COL7A1: variants seen among roughly 807,000 people sequenced by gnomAD.
The protein encoded by COL7A1 is collagen alpha-1(VII) chain.
COL7A1 carries 296 observed loss-of-function variants against 456.2 expected under a neutral mutation model. The observed-to-expected ratio is 0.65, with a 90% confidence interval of 0.59 to 0.71. COL7A1 has a LOEUF of 0.71. Among genes scored for constraint, COL7A1 ranks in the 30% least tolerant of loss-of-function variants. The pLI, the probability that COL7A1 is intolerant of heterozygous loss-of-function variation, is 0.00. For synonymous variants in COL7A1, 1,464 were observed against 1,525.9 expected, an observed-to-expected ratio of 0.96 and a Z score of 0.95; for missense variants, 3,441 against 4,017.2, an observed-to-expected ratio of 0.86 and a Z score of 3.88.
chr3:48,574,888 G>A lies in COL7A1; in HGVS notation c.6280-23C>T, dbSNP rs1356141386. 6.2e-7 allele frequency: 1 copy of A among 1,613,218 alleles called. No homozygotes were observed. The highest frequency in any genetic ancestry group is 8.5e-7 in the Non-Finnish European group (1 of 1,179,492). On this transcript the variant is annotated intron_variant, in intron 76 of 118. Transcript: ENST00000681320. This position sits in a 1 kb window ranked among gnomAD's most constrained non-coding sequence, Gnocchi z 5.0. ...CACCTACAAACACAAGGTCACAGGG[G>A]AGAGATGTCTCTGTCATAGAGGCAT...
Position 48,594,279 on chromosome 3 carries a change from G to T in COL7A1, c.266+89C>A, listed in dbSNP as rs1473873870. On this transcript the variant is annotated intron_variant, in intron 3 of 118. Coordinates refer to ENST00000681320, the MANE Select transcript of COL7A1 (RefSeq NM_000094.4). This position sits in a 1 kb window ranked among gnomAD's most constrained non-coding sequence, Gnocchi z 5.5. ...CCAAAACTTGTTTCTGCAAAGACCT[G>T]GCCTGGGGTTTCCAGGGTCTCCTCC... 8.0e-6 allele frequency: 12 copies of T among 1,500,354 alleles called. No individual in the cohort carries two copies. The Admixed American group carries it at 2.0e-4, about 25-fold the overall frequency. The allele number at this position is 1,500,354 out of a possible 1,614,324, so 92.9% of individuals were successfully genotyped here.
rs2043804567 is a variant in COL7A1, at chr3:48,569,931, T to C, written c.7486-16A>G. 1 of 1,613,310 alleles carries C rather than the reference T, an allele frequency of 6.2e-7. No homozygotes were observed. On this transcript the variant is annotated splice_polypyrimidine_tract_variant and intron_variant, in intron 99 of 118. Coordinates refer to ENST00000681320, the MANE Select transcript of COL7A1 (RefSeq NM_000094.4). The surrounding 1 kb of genome is among the most constrained non-coding windows in gnomAD (Gnocchi z 4.9). ...CAGGGGGCCCCTGTGTGAGAGAAGG[T>C]GACCGTGAGCTACAGGAACCAGGGC...
chr3:48,582,222 C>G, intron 47 of COL7A1, 101 bp downstream of exon 47: 1 of 1,596,876 alleles, frequency 6.3e-7, no homozygotes, highest in Non-Finnish European at 8.6e-7. Flanking sequence ...AGCCTGCTCA[C>G]GGGCCCAGCA....
In COL7A1 at chr3:48,576,376, A is replaced by C. The variant is rs2044298357; in HGVS notation, c.5772+24T>G. ...ATGTGGGTGCTGTGGCTACCTGGGC[A>C]TGTGGAAAAGGTGGGGGCCTCACCT... On this transcript the variant is annotated intron_variant, in intron 70 of 118. Transcript: ENST00000681320. The C allele has an allele frequency of 1.9e-6, 3 of 1,613,742 alleles. No homozygotes were observed. The Admixed American group carries it at 5.0e-5, about 27-fold the overall frequency.
rs201839881 is a variant in COL7A1 at position 48,568,140 on chromosome 3, T to C, written c.7825A>G (p.Ile2609Val). Reference protein sequence around the residue: ...GSPGKDGVPGIRGEKGDVGFM... With the variant: ...GSPGKDGVPGVRGEKGDVGFM... ...CCAACATCTCCTTTTTCTCCTCGGA[T>C]ACCAGGCACTCCATCCTTTCCTGGG... Residue 2609 changes from isoleucine (I) to valine (V), a missense_variant, in exon 106 of 119, where the codon ATC becomes GTC. Physicochemically the swap from Ile to Val is conservative, Grantham distance 29. Coordinates refer to ENST00000681320, the MANE Select transcript of COL7A1 (RefSeq NM_000094.4). This position sits in a 1 kb window ranked among gnomAD's most constrained non-coding sequence, Gnocchi z 5.2. 270 of 1,614,080 alleles carry C rather than the reference T, an allele frequency of 1.7e-4. No homozygotes were observed. Among genetic ancestry groups the C allele is most frequent in the Middle Eastern group, 8.2e-4 (5 of 6,062 alleles).
rs1472391309 is a variant in COL7A1, at chr3:48,572,910, T to C, written c.6783A>G (p.Arg2261=). The C allele has an allele frequency of 5.0e-6, 8 of 1,613,762 alleles. No homozygotes were observed. Among genetic ancestry groups the C allele is most frequent in the Non-Finnish European group, 6.8e-6 (8 of 1,179,998 alleles). ...GETGKPGAPG[R]DGASGKDGDR... is the part of the protein sequence containing the mutation. ...CTCCATCTTTTCCACTGGCACCATCTCGACCTGGGGCTCCCGGCTTCCCTG... is the reference window on the plus strand; with the variant it reads ...CTCCATCTTTTCCACTGGCACCATCCCGACCTGGGGCTCCCGGCTTCCCTG... Residue 2261 remains arginine (R), a synonymous_variant, in exon 87 of 119, where the codon CGA becomes CGG. Coordinates refer to ENST00000681320, the MANE Select transcript of COL7A1 (RefSeq NM_000094.4). This position sits in a 1 kb window ranked among gnomAD's most constrained non-coding sequence, Gnocchi z 4.6.
Position 48,567,300 on chromosome 3 carries a change from C to T in COL7A1, c.8047-110G>A. On this transcript the variant is annotated intron_variant, in intron 109 of 118. Transcript: ENST00000681320. This position sits in a 1 kb window ranked among gnomAD's most constrained non-coding sequence, Gnocchi z 4.3. ...CCTAATGCCCAAACCTTCTGTAACC[C>T]AAGCACCTGTGAGCCAACCAGATGT... is the stretch of plus-strand genomic sequence containing the variant. 1 of 1,401,618 alleles carries T rather than the reference C, an allele frequency of 7.1e-7. No homozygotes were observed. The highest frequency in any genetic ancestry group is 1.0e-6 in the Non-Finnish European group (1 of 1,001,134). 86.8% of individuals were successfully genotyped at this position (1,401,618 alleles called of 1,614,324 possible). A position where few individuals can be genotyped will look rare whatever the true frequency, so the allele number is the denominator to read the frequency against.
intron 17 of COL7A1, 22 bp downstream of exon 17, chr3:48,589,577 C>G: frequency 6.2e-7 from 1 of 1,613,296 alleles, no homozygotes; most frequent in Non-Finnish European, 8.5e-7. Context: ...TGACCTGCCC[C>G]CTCCCAAACC....
Position 48,589,334 on chromosome 3 carries a change from C to G in COL7A1, c.2307G>C (p.Val769=). ...TGGCCAGGGTCCACTCACCAGTCCT[C>G]ACAACCACAGAGGCAGGGGGCCCAT... ...GVDGPPASVV[V]RTAPEPVGRV... is the part of the protein sequence containing the mutation. The change falls in exon 18 of 119, where the codon GTG becomes GTC. Residue 769 remains valine (V), a synonymous_variant. Coordinates refer to ENST00000681320, the MANE Select transcript of COL7A1 (RefSeq NM_000094.4). 6.2e-7 allele frequency: 1 copy of G among 1,612,790 alleles called. No individual in the cohort carries two copies. The highest frequency in any genetic ancestry group is 1.3e-5 in the African/African-American group (1 of 74,972).
rs2229822 is a variant in COL7A1, at chr3:48,570,697, G to A, written c.7286C>T (p.Pro2429Leu). ...GPSGERGLAG[P>L]PGREGIPGPL... ...TCCTGGGATTCCTTCTCTCCCTGGG[G>A]GGCCTGCCAGACCCTACCAGAAAAA... The change falls in exon 96 of 119, where the codon CCC becomes CTC. Residue 2429 changes from proline (P) to leucine (L), a missense_variant. Physicochemically the swap from Pro to Leu is moderately conservative, Grantham distance 98. Around this residue, in one of 3 missense-constraint regions of COL7A1, gnomAD observed 2,084 missense variants for 2,501.3 expected, o/e 0.83. Transcript: ENST00000681320. The surrounding 1 kb of genome is among the most constrained non-coding windows in gnomAD (Gnocchi z 5.5). 8.4e-4 allele frequency: 1,333 copies of A among 1,580,330 alleles called. 13 individuals carry two copies. In the African/African-American group the frequency reaches 0.017, roughly 20 times the overall value.
intron 47 of COL7A1, 53 bp downstream of exon 47, chr3:48,582,270 G>T (rs1424326993): frequency 2.5e-6 from 4 of 1,613,260 alleles, no homozygotes; most frequent in Non-Finnish European, 3.4e-6. Context: ...CTATAGGAGG[G>T]TCACTGCTCA....
rs1324203637 is a variant in COL7A1 at position 48,566,480 on chromosome 3, C to A, written c.8358+30G>T. On this transcript the variant is annotated intron_variant, in intron 113 of 118. Coordinates refer to ENST00000681320, the MANE Select transcript of COL7A1 (RefSeq NM_000094.4). This position sits in a 1 kb window ranked among gnomAD's most constrained non-coding sequence, Gnocchi z 5.9. ...CCAGCCCACCCAGGCCCACCCAGGC[C>A]CTCCCAGGCCCATCCAGGCCCACAC... The A allele has an allele frequency of 5.6e-6, 9 of 1,613,600 alleles. No individual in the cohort carries two copies. Among genetic ancestry groups the A allele is most frequent in the Admixed American group, 3.3e-5 (2 of 60,010 alleles).
chr3:48,575,039 A>ACTAAGGC lies in COL7A1; in HGVS notation c.6279+18_6279+24dup. The ACTAAGGC allele has an allele frequency of 6.2e-7, 1 of 1,608,326 alleles. No homozygotes were observed. The highest frequency in any genetic ancestry group is 8.5e-7 in the Non-Finnish European group (1 of 1,175,052). ...TGGCTTCCTGGTCACTAGTCACAGGACTAAGGCAGGGATGGGGTGATCACC... is the reference window on the plus strand; with the variant it reads ...TGGCTTCCTGGTCACTAGTCACAGGACTAAGGCCTAAGGCAGGGATGGGGTGATCACC... On this transcript the variant is annotated intron_variant, in intron 76 of 118. Transcript: ENST00000681320. The surrounding 1 kb of genome is among the most constrained non-coding windows in gnomAD (Gnocchi z 6.3).
In COL7A1 at chr3:48,587,221, C is replaced by G. The variant is rs561787668; in HGVS notation, c.3108G>C (p.Arg1036=). ...FSLTPVLDGV[R]GPEASVTQTP... is the part of the protein sequence containing the mutation. Reference sequence around the variant, plus strand: ...TCTGTGTGACAGATGCCTCAGGACCCCGCACACCATCCAGGACAGGCGTCA... The same window carrying G: ...TCTGTGTGACAGATGCCTCAGGACCGCGCACACCATCCAGGACAGGCGTCA... Residue 1036 remains arginine (R), a synonymous_variant, in exon 24 of 119, where the codon CGG becomes CGC. Transcript: ENST00000681320. This position sits in a 1 kb window ranked among gnomAD's most constrained non-coding sequence, Gnocchi z 6.1. The G allele has an allele frequency of 6.2e-7, 1 of 1,613,618 alleles. No individual in the cohort carries two copies. The highest frequency in any genetic ancestry group is 1.1e-5 in the South Asian group (1 of 90,984).
chr3:48,594,677 C>T lies in COL7A1; in HGVS notation c.86-129G>A. 3 of 1,154,574 alleles carry T rather than the reference C, an allele frequency of 2.6e-6. No homozygotes were observed. The highest frequency in any genetic ancestry group is 3.7e-6 in the Non-Finnish European group (3 of 818,524). 71.5% of individuals were successfully genotyped at this position (1,154,574 alleles called of 1,614,324 possible). On this transcript the variant is annotated intron_variant, in intron 2 of 118. Transcript: ENST00000681320. The surrounding 1 kb of genome is among the most constrained non-coding windows in gnomAD (Gnocchi z 5.5). ...CATCTTATGCAAACCAGGGCCGAAT[C>T]GGCCTGAGCCTGAGGGCCTTGGAGG...
In COL7A1 at chr3:48,580,714, C is replaced by A; in HGVS notation, c.4981-62G>T. ...ATATTTTGCAGGTGCCCCTATGACC[C>A]GCTACACTGCCCCAGGTTCCCCATT... On this transcript the variant is annotated intron_variant, in intron 54 of 118. Transcript: ENST00000681320. This position sits in a 1 kb window ranked among gnomAD's most constrained non-coding sequence, Gnocchi z 4.5. 6.3e-7 allele frequency: 1 copy of A among 1,588,848 alleles called. No individual in the cohort carries two copies.
In COL7A1 at chr3:48,564,656, C is replaced by G; in HGVS notation, c.8818+127G>C. The G allele has an allele frequency of 1.7e-6, 2 of 1,176,588 alleles. No homozygotes were observed. Among genetic ancestry groups the G allele is most frequent in the Non-Finnish European group, 2.4e-6 (2 of 832,704 alleles). 72.9% of individuals were successfully genotyped at this position (1,176,588 alleles called of 1,614,324 possible). Reference sequence around the variant, plus strand: ...TTTGGTCTGGGCGTCTGCCCCAGGTCCCCTACTGCGAGGGAGCGTCTCCTC... The same window carrying G: ...TTTGGTCTGGGCGTCTGCCCCAGGTGCCCTACTGCGAGGGAGCGTCTCCTC... On this transcript the variant is annotated intron_variant, in intron 118 of 118. Transcript: ENST00000681320. This position sits in a 1 kb window ranked among gnomAD's most constrained non-coding sequence, Gnocchi z 6.0.
Position 48,591,643 on chromosome 3 carries a change from A to C in COL7A1, c.1507+30T>G. On this transcript the variant is annotated intron_variant, in intron 12 of 118. Transcript: ENST00000681320. The surrounding 1 kb of genome is among the most constrained non-coding windows in gnomAD (Gnocchi z 7.0). ...AGCCTGGGGCTCCGACACCTCCCCC[A>C]CTCACTGGCCCAGCCCACAGAGCCC... The C allele has an allele frequency of 6.2e-7, 1 of 1,613,362 alleles. No homozygotes were observed. The highest frequency in any genetic ancestry group is 8.5e-7 in the Non-Finnish European group (1 of 1,179,882).
At chr3:48,582,717 C>T (rs1484733259) in intron 44 of COL7A1, 64 bp from the exon 45 acceptor site, 2 of 1,561,746 alleles carry the variant, frequency 1.3e-6, no homozygotes, top group Non-Finnish European at 1.8e-6. Context: ...ACAGACAGGG[C>T]TAGAGGCTGG....
Sources: allele counts gnomAD v4.1 joint callset, GRCh38; gene constraint gnomAD v4.1.1; regional missense constraint gnomAD v4.1.1; non-coding constraint Gnocchi (gnomAD v3.1); transcripts MANE v1.5; gene names NCBI Gene and HGNC (gene_info 2026-07-23, HGNC 2026-07-21).